Variants in SLC24A4 observed in about 807,000 individuals in gnomAD.
SLC24A4 encodes solute carrier family 24 member 4, also known as sodium/potassium/calcium exchanger 4.
A neutral mutation model predicts 79.0 loss-of-function variants in SLC24A4; 53 were observed. That is an observed-to-expected ratio of 0.67 (90% CI 0.54 to 0.84). The LOEUF (loss-of-function observed/expected upper bound fraction) is 0.84. SLC24A4 is among the 40% of genes least tolerant of loss of function. The pLI, the probability that SLC24A4 is intolerant of heterozygous loss-of-function variation, is 0.00. For missense variants in SLC24A4, 731 were observed against 822.0 expected, an observed-to-expected ratio of 0.89 and a Z score of 1.35; for synonymous variants, 323 against 323.8, an observed-to-expected ratio of 1.00 and a Z score of 0.03.
chr14:92,456,803 G>A (rs778096759), intron 12 of SLC24A4, among the ~76,000 whole-genome samples, 195 bp downstream of exon 12: 1 of 152,190 alleles, frequency 6.6e-6, no homozygotes, highest in Non-Finnish European at 1.5e-5. Flanking sequence ...AGCTGCAGTG[G>A]GGTGCGGGCA....
chr14:92,349,627 CACA>C (rs754976476), intron 2 of SLC24A4, among the ~76,000 whole-genome samples: 5 of 152,304 alleles, frequency 3.3e-5, no homozygotes, highest in African/African-American at 1.2e-4. Context: ...AGTGCAATAT[CACA>C]ACAAGGATAC....
chr14:92,367,544 TG>T (rs1887921042), intron 2 of SLC24A4, among the ~76,000 whole-genome samples: 1 of 152,234 alleles, frequency 6.6e-6, no homozygotes, highest in East Asian at 1.9e-4. Flanking sequence ...TGAGCTGACA[TG>T]CTCTGCCTGA....
chr14:92,407,857 TTGTGTGTGTGTGTGTGTGTGTGTGTG>T (rs60398538), intron 2 of SLC24A4, among the ~76,000 whole-genome samples: 2 of 143,588 alleles, frequency 1.4e-5, no homozygotes, highest in Non-Finnish European at 1.5e-5. Flanking sequence ...CAGAGTGATA[TTGTGTGTGTGTGTGTGTGTGTGTGTG>T]TGTGTGTGTG....
chr14:92,419,037 G>T (rs1891139687), intron 2 of SLC24A4, among the ~76,000 whole-genome samples: 1 of 152,146 alleles, frequency 6.6e-6, no homozygotes, highest in South Asian at 2.1e-4. Flanking sequence ...ACTGATTGGG[G>T]TGGAGTTGAA....
intron 9 of SLC24A4, 53 bp from the exon 10 acceptor site, chr14:92,449,021 G>A: frequency 6.2e-7 from 1 of 1,605,890 alleles, no homozygotes. Context: ...CCGCTGCCCA[G>A]TTGGTGGGAC....
intron 12 of SLC24A4, among the ~76,000 whole-genome samples, chr14:92,457,838 C>T (rs574900158): frequency 6.6e-6 from 1 of 152,234 alleles, no homozygotes; most frequent in Non-Finnish European, 1.5e-5. Context: ...TAACATCAGG[C>T]TCACTGAGCA....
At chr14:92,418,882 A>G (rs61977272) in intron 2 of SLC24A4, among the ~76,000 whole-genome samples, 24,853 of 151,938 alleles carry the variant, frequency 0.16, 2,284 homozygotes, top group East Asian at 0.24. Context: ...TTGTATTTTT[A>G]GTAGAGGCAG....
At chr14:92,339,483 G>A (rs1228273100) in intron 2 of SLC24A4, among the ~76,000 whole-genome samples, 2 of 152,278 alleles carry the variant, frequency 1.3e-5, no homozygotes, top group East Asian at 1.9e-4. Context: ...CCCATTATAC[G>A]AAAGATGTGA....
At chr14:92,322,584 C>A (rs1016241261), upstream of SLC24A4, 1 of 152,682 alleles carries the variant, frequency 6.5e-6, no homozygotes, top group Non-Finnish European at 1.5e-5. Flanking sequence ...GGTTGTGGGG[C>A]CCGCAGATCT....
intron 2 of SLC24A4, among the ~76,000 whole-genome samples, chr14:92,420,273 A>G (rs1297803438): frequency 6.6e-6 from 1 of 152,168 alleles, no homozygotes; most frequent in Non-Finnish European, 1.5e-5. Context: ...TGAGGTCAGG[A>G]GCTAGACACT....
chr14:92,492,736 T>G (rs1895755713), intron 16 of SLC24A4: 1 of 407,370 alleles, frequency 2.5e-6, no homozygotes, highest in Non-Finnish European at 4.9e-6. Context: ...AGGGGTTAAC[T>G]TTCCCAAGGT....
intron 2 of SLC24A4, among the ~76,000 whole-genome samples, chr14:92,340,822 A>G (rs973687135): frequency 6.6e-6 from 1 of 152,012 alleles, no homozygotes; most frequent in Non-Finnish European, 1.5e-5. Context: ...CATTTTTTAG[A>G]TCAGTAGGGC....
At chr14:92,442,306 T>A in intron 5 of SLC24A4, 133 bp downstream of exon 5, 1 of 668,172 alleles carries the variant, frequency 1.5e-6, no homozygotes, top group Non-Finnish European at 2.6e-6. Flanking sequence ...AGGCAGTAAG[T>A]AGACTGGTGG....
intron 2 of SLC24A4, among the ~76,000 whole-genome samples, chr14:92,391,958 C>A (rs544244235): frequency 8.9e-4 from 136 of 152,298 alleles, no homozygotes; most frequent in Admixed American, 2.0e-3. Flanking sequence ...AAGTGAGAAC[C>A]ACGCTTCCTG....
At chr14:92,480,481 G>A (rs536592984) in intron 12 of SLC24A4, among the ~76,000 whole-genome samples, 9 of 149,576 alleles carry the variant, frequency 6.0e-5, no homozygotes, top group Admixed American at 3.3e-4. Context: ...TTTTAGTAGA[G>A]ACGGGGTTTC....
At chr14:92,474,851 A>ATG (rs1894665763) in intron 12 of SLC24A4, among the ~76,000 whole-genome samples, 3 of 10,678 alleles carry the variant, frequency 2.8e-4, no homozygotes, top group African/African-American at 5.6e-4. Context: ...GTGTATATAT[A>ATG]TATATATATA....
intron 13 of SLC24A4, among the ~76,000 whole-genome samples, chr14:92,485,828 G>A (rs1013470639): frequency 2.6e-5 from 4 of 152,176 alleles, no homozygotes; most frequent in Admixed American, 1.3e-4. Flanking sequence ...CCACCACCTT[G>A]AGGTATAAAC....
intron 2 of SLC24A4, among the ~76,000 whole-genome samples, chr14:92,336,796 C>T (rs1236106298): frequency 1.3e-5 from 2 of 151,960 alleles, no homozygotes; most frequent in African/African-American, 4.8e-5. Flanking sequence ...AGTGCCCTCC[C>T]TGGAGCAGAC....
chr14:92,386,795 C>T (rs1279523853), intron 2 of SLC24A4, among the ~76,000 whole-genome samples: 3 of 152,140 alleles, frequency 2.0e-5, no homozygotes, highest in Non-Finnish European at 4.4e-5. Context: ...GATGATTTGC[C>T]CGGCTGTGGC....
Sources: allele counts gnomAD v4.1 joint callset (sites outside exome capture counted in the v4.1 genomes callset), GRCh38; gene constraint gnomAD v4.1.1; transcripts MANE v1.5; gene names NCBI Gene and HGNC (gene_info 2026-07-23, HGNC 2026-07-21).